Variants in SGCD observed in about 807,000 individuals in gnomAD.
SGCD encodes delta-sarcoglycan.
In SGCD, 18 loss-of-function variants were observed where a neutral mutation model predicts 36.6. The observed-to-expected ratio is 0.49, with a 90% confidence interval of 0.34 to 0.73. The LOEUF (loss-of-function observed/expected upper bound fraction) is 0.73, where lower values mean the gene tolerates loss of function less well. Among genes scored for constraint, SGCD ranks in the 30% least tolerant of loss-of-function variants. The pLI is 0.01. For synonymous variants in SGCD, 133 were observed against 130.6 expected, an observed-to-expected ratio of 1.02 and a Z score of -0.12; for missense variants, 387 against 346.7, an observed-to-expected ratio of 1.12 and a Z score of -0.92.
intron 1 of SGCD, among the ~76,000 whole-genome samples, chr5:156,049,880 T>G (rs111875875): frequency 0.071 from 10,425 of 146,134 alleles, 1,654 homozygotes; most frequent in African/African-American, 0.23. Context: ...AGAACTGGAA[T>G]TAGAAGTAGA....
chr5:156,156,120 T>G lies in SGCD; in HGVS notation c.-44+32101T>G, dbSNP rs147861021. ...CTATTCTACTTTCACCAAGTAAGAA[T>G]CATAAGCCTCTCAGAACGGCAGATT... is the stretch of plus-strand genomic sequence containing the variant. On this transcript the variant is annotated intron_variant, in intron 3 of 9. Coordinates refer to the SGCD transcript ENST00000517913. Among the ~76,000 whole-genome samples the G allele has an allele frequency of 4.2e-3, 645 of 151,792 alleles. 6 individuals carry two copies. Among genetic ancestry groups the G allele is most frequent in the Admixed American group, 7.9e-3 (120 of 15,274 alleles).
At chr5:156,646,328 AC>A (rs1763223287) in intron 6 of SGCD, among the ~76,000 whole-genome samples, 1 of 152,176 alleles carries the variant, frequency 6.6e-6, no homozygotes, top group African/African-American at 2.4e-5. Flanking sequence ...TTCAGTGGGC[AC>A]CAGCTTAGCC....
At chr5:156,746,393 T>C (rs1756938581) in intron 7 of SGCD, among the ~76,000 whole-genome samples, 1 of 152,186 alleles carries the variant, frequency 6.6e-6, no homozygotes, top group African/African-American at 2.4e-5. Flanking sequence ...ATTCTTTTGA[T>C]ATTGGAAAGC....
chr5:156,070,390 A>G (rs1037633885), intron 1 of SGCD, among the ~76,000 whole-genome samples: 2 of 149,474 alleles, frequency 1.3e-5, no homozygotes, highest in Non-Finnish European at 2.9e-5. Flanking sequence ...TGAGATCATC[A>G]TGTGGTTTTT....
rs112113807 is a variant in SGCD, at chr5:156,282,535, T to C, written c.-43-46999T>C. On this transcript the variant is annotated intron_variant, in intron 3 of 9. Coordinates refer to the SGCD transcript ENST00000517913. ...ATATTTTCAACCACTGGTAGCATAA[T>C]GAAAATTGTAAAGCATTTGTGTGTG... Among the ~76,000 whole-genome samples, 1,494 of 152,308 alleles carry C rather than the reference T, an allele frequency of 9.8e-3. 19 individuals carry two copies. Among genetic ancestry groups the C allele is most frequent in the African/African-American group, 0.035 (1,448 of 41,566 alleles).
intron 1 of SGCD, among the ~76,000 whole-genome samples, chr5:156,068,322 T>C (rs1377704063): frequency 1.3e-5 from 2 of 151,630 alleles, no homozygotes; most frequent in African/African-American, 4.9e-5. Context: ...CCTTCCTGTG[T>C]CCATGTGTTC....
chr5:156,366,890 AC>A (rs1770136252), intron 3 of SGCD, among the ~76,000 whole-genome samples: 1 of 152,246 alleles, frequency 6.6e-6, no homozygotes, highest in Non-Finnish European at 1.5e-5. Flanking sequence ...ATATCTAGAT[AC>A]TTTTGAAGGG....
chr5:156,564,520 T>G (rs1195246490), intron 4 of SGCD, among the ~76,000 whole-genome samples: 1 of 152,178 alleles, frequency 6.6e-6, no homozygotes, highest in African/African-American at 2.4e-5. Flanking sequence ...TGAATCATCT[T>G]AACCATTTTT....
intron 3 of SGCD, among the ~76,000 whole-genome samples, chr5:156,173,774 C>G (rs75623724): frequency 0.028 from 4,259 of 151,808 alleles, 172 homozygotes; most frequent in African/African-American, 0.086. Context: ...GTAATAACTT[C>G]TTGTTATACT....
chr5:155,742,331 C>T, the SGCD span, among the ~76,000 whole-genome samples: 1 of 151,956 alleles, frequency 6.6e-6, no homozygotes, highest in East Asian at 1.9e-4. Context: ...ATGAAATTAC[C>T]AATAATCATT....
At chr5:156,575,776 T>C (rs921140862) in intron 4 of SGCD, among the ~76,000 whole-genome samples, 4 of 152,164 alleles carry the variant, frequency 2.6e-5, no homozygotes, top group African/African-American at 9.6e-5. Flanking sequence ...ATTAAATAAA[T>C]TTTGGAGCGA....
chr5:155,813,497 G>A, the SGCD span, among the ~76,000 whole-genome samples: 1 of 152,154 alleles, frequency 6.6e-6, no homozygotes, highest in Admixed American at 6.5e-5. Flanking sequence ...CACCCTGTGA[G>A]CAGATTTTAA....
chr5:156,413,044 G>C (rs1209100687), intron 3 of SGCD, among the ~76,000 whole-genome samples: 1 of 151,784 alleles, frequency 6.6e-6, no homozygotes, highest in African/African-American at 2.4e-5. Context: ...TGATCCACCT[G>C]CCTCGGCCTC....
chr5:155,784,489 A>T, the SGCD span, among the ~76,000 whole-genome samples: 1 of 152,122 alleles, frequency 6.6e-6, no homozygotes, highest in African/African-American at 2.4e-5. Flanking sequence ...GGAGAGTTAC[A>T]GTCTACATGG....
chr5:155,794,452 G>A, the SGCD span, among the ~76,000 whole-genome samples: 6 of 151,972 alleles, frequency 3.9e-5, no homozygotes, highest in Admixed American at 3.3e-4. Context: ...GTGTGAAAGT[G>A]GATAAAAACA....
At chr5:156,609,184 G>A (rs553611031) in intron 6 of SGCD, among the ~76,000 whole-genome samples, 53 of 152,206 alleles carry the variant, frequency 3.5e-4, no homozygotes, top group African/African-American at 5.1e-4. Flanking sequence ...GGCTGGTACC[G>A]GTTGTTCCTT....
At chr5:155,831,146 ACT>A in the SGCD span, among the ~76,000 whole-genome samples, 3 of 151,866 alleles carry the variant, frequency 2.0e-5, no homozygotes, top group African/African-American at 2.4e-5. Flanking sequence ...TATGACTTCA[ACT>A]CTCTCTGATT....
rs533888759 is a variant in SGCD, at chr5:156,444,446, G to T, written c.193-64155G>T. On this transcript the variant is annotated intron_variant, in intron 3 of 8. Coordinates refer to ENST00000337851, the MANE Select transcript of SGCD (RefSeq NM_000337.6). ...CAGATGTGTTCTGACTCAGGAGGCA[G>T]TTTGCACTTTCAAAACTGGGTCTCC... is the stretch of plus-strand genomic sequence containing the variant. 4.6e-5 allele frequency among the ~76,000 whole-genome samples: 7 copies of T among 152,232 alleles called. 1 individual carries two copies. Among genetic ancestry groups the T allele is most frequent in the Admixed American group, 1.3e-4 (2 of 15,272 alleles).
intron 7 of SGCD, among the ~76,000 whole-genome samples, chr5:156,723,262 C>T (rs1755601162): frequency 6.6e-6 from 1 of 152,196 alleles, no homozygotes; most frequent in African/African-American, 2.4e-5. Context: ...GAACTGTCAC[C>T]TCCATCCTGC....
Sources: gnomAD v4.1 joint callset for allele counts (sites outside exome capture counted in the v4.1 genomes callset) on GRCh38, gnomAD v4.1.1 for gene constraint, MANE v1.5 for transcripts, NCBI Gene and HGNC (gene_info 2026-07-23, HGNC 2026-07-21) for gene names.